Variants in GPR158 observed in about 807,000 individuals in gnomAD.
The protein encoded by GPR158 is G protein-coupled receptor 158, also known as metabotropic glycine receptor.
GPR158 carries 30 observed loss-of-function variants against 78.2 expected under a neutral mutation model. That is an observed-to-expected ratio of 0.38 (90% confidence interval 0.29 to 0.52). The LOEUF is 0.52. Ranked by LOEUF, GPR158 falls within the 20% of genes least tolerant of loss-of-function variation. The pLI, the probability that GPR158 is intolerant of heterozygous loss-of-function variation, is 0.83. For synonymous variants in GPR158, 581 were observed against 591.1 expected, an observed-to-expected ratio of 0.98 and a Z score of 0.25; for missense variants, 1,463 against 1,523.5, an observed-to-expected ratio of 0.96 and a Z score of 0.66.
intron 5 of GPR158, among the ~76,000 whole-genome samples, chr10:25,530,640 G>T (rs376258556): frequency 6.6e-6 from 1 of 152,178 alleles, no homozygotes; most frequent in Non-Finnish European, 1.5e-5. Flanking sequence ...AAATAAGCAC[G>T]TATGCAGAGA....
intron 7 of GPR158, among the ~76,000 whole-genome samples, chr10:25,580,853 G>C (rs1237138914): frequency 6.6e-6 from 1 of 151,938 alleles, no homozygotes; most frequent in African/African-American, 2.4e-5. Flanking sequence ...ACCCTCCCAA[G>C]TAGTTGTGAC....
rs148610858 is a variant in GPR158, at chr10:25,554,536, T to C, written c.1514+3451T>C. On this transcript the variant is annotated intron_variant, in intron 6 of 10. Coordinates refer to ENST00000376351, the MANE Select transcript of GPR158 (RefSeq NM_020752.3). ...CAAGATCACATTCTGTCACCAGAGA[T>C]GAAAATAAATGCTATTTTCATTTGA... 1.7e-3 allele frequency among the ~76,000 whole-genome samples: 263 copies of C among 152,256 alleles called. 12 individuals are homozygous for C. In the South Asian group the frequency reaches 0.048, roughly 28 times the overall value.
chr10:25,244,976 A>G (rs1261453746), intron 2 of GPR158: 2 of 152,102 alleles, frequency 1.3e-5, no homozygotes, highest in African/African-American at 4.8e-5. Flanking sequence ...TGGTTGGATT[A>G]ATGCTACAGT....
At chr10:25,291,971 TG>T (rs755177116) in intron 2 of GPR158, among the ~76,000 whole-genome samples, 5 of 152,260 alleles carry the variant, frequency 3.3e-5, no homozygotes, top group Admixed American at 1.3e-4. Context: ...GGAAACTTAC[TG>T]TAGTCACGGG....
At chr10:25,300,863 A>T (rs1189747823) in intron 2 of GPR158, among the ~76,000 whole-genome samples, 1 of 152,022 alleles carries the variant, frequency 6.6e-6, no homozygotes, top group Non-Finnish European at 1.5e-5. Context: ...GAGAAACCTT[A>T]TTAGACAAGC....
Position 25,375,582 on chromosome 10 carries a change from T to C in GPR158, c.1009-20329T>C, listed in dbSNP as rs1396356851. 1.2e-4 allele frequency among the ~76,000 whole-genome samples: 18 copies of C among 151,616 alleles called. 1 individual carries two copies. The highest frequency in any genetic ancestry group is 7.4e-5 in the Non-Finnish European group (5 of 67,646). On this transcript the variant is annotated intron_variant, in intron 2 of 10. Transcript: ENST00000376351. ...TGAATTTTAGGTCAGTTTTTTGTTT[T>C]CTTTTGTTTTGTTTTTTGTTTTTGC...
chr10:25,594,542 T>A (rs1837377541), intron 9 of GPR158, 145 bp downstream of exon 9: 1 of 478,684 alleles, frequency 2.1e-6, no homozygotes, highest in South Asian at 3.7e-5. Flanking sequence ...ACTGGCTGTT[T>A]TCTCTTTGAA....
At chr10:25,389,420 G>A (rs1009284826) in intron 2 of GPR158, among the ~76,000 whole-genome samples, 17 of 152,142 alleles carry the variant, frequency 1.1e-4, no homozygotes, top group Non-Finnish European at 2.2e-4. Context: ...AGGATGACCT[G>A]CCTCACAGAG....
At chr10:25,424,085 G>A (rs1392429277) in intron 4 of GPR158, among the ~76,000 whole-genome samples, 1 of 152,192 alleles carries the variant, frequency 6.6e-6, no homozygotes. Flanking sequence ...TAACTGGTGT[G>A]AGATGGTATC....
intron 4 of GPR158, among the ~76,000 whole-genome samples, chr10:25,428,748 G>A (rs1186865023): frequency 6.6e-6 from 1 of 151,924 alleles, no homozygotes; most frequent in Admixed American, 6.6e-5. Flanking sequence ...AAGAAGACAA[G>A]TAATAATTAA....
intron 6 of GPR158, among the ~76,000 whole-genome samples, chr10:25,559,126 A>G (rs1836826969): frequency 6.6e-6 from 1 of 152,114 alleles, no homozygotes; most frequent in African/African-American, 2.4e-5. Context: ...TTGAAGTTTC[A>G]TTCTGAGATG....
At chr10:25,460,988 C>G (rs1302278222) in intron 4 of GPR158, among the ~76,000 whole-genome samples, 2 of 152,142 alleles carry the variant, frequency 1.3e-5, no homozygotes, top group African/African-American at 4.8e-5. Flanking sequence ...TGAACCGCAC[C>G]CACATAAGAC....
intron 2 of GPR158, among the ~76,000 whole-genome samples, chr10:25,263,411 T>C (rs1376397290): frequency 2.0e-5 from 3 of 152,228 alleles, no homozygotes; most frequent in Non-Finnish European, 4.4e-5. Context: ...ACTGCCTTGA[T>C]TACTATAGCT....
chr10:25,203,029 G>A (rs1229816852), intron 1 of GPR158, among the ~76,000 whole-genome samples: 7 of 152,138 alleles, frequency 4.6e-5, no homozygotes, highest in African/African-American at 1.7e-4. Context: ...TTTTTCATGT[G>A]TCTGTTGACT....
chr10:25,539,379 T>C (rs1242487609), intron 5 of GPR158, among the ~76,000 whole-genome samples: 1 of 152,168 alleles, frequency 6.6e-6, no homozygotes, highest in Non-Finnish European at 1.5e-5. Context: ...TTATTCTGGT[T>C]CAGAGAATGA....
intron 5 of GPR158, among the ~76,000 whole-genome samples, chr10:25,546,415 G>A (rs181403524): frequency 1.3e-5 from 2 of 152,196 alleles, no homozygotes; most frequent in East Asian, 3.9e-4. Flanking sequence ...TTCATTTCAA[G>A]TACAATCATC....
At chr10:25,255,235 AC>A (rs1472367518) in intron 2 of GPR158, among the ~76,000 whole-genome samples, 1 of 152,226 alleles carries the variant, frequency 6.6e-6, no homozygotes, top group African/African-American at 2.4e-5. Context: ...AGGTTCCCTT[AC>A]AGCTTTCAGT....
In GPR158 at chr10:25,596,636, G is replaced by C; in HGVS notation, c.1999-7G>C. The C allele has an allele frequency of 6.2e-7, 1 of 1,609,230 alleles. No individual in the cohort carries two copies. On this transcript the variant is annotated splice_polypyrimidine_tract_variant and splice_region_variant and intron_variant, in intron 9 of 10. Transcript: ENST00000376351. ...AATGTCTACTGCTCATACTGAATTT[G>C]TTTCAGTTTTCACATTCAAGCAATA...
intron 2 of GPR158, among the ~76,000 whole-genome samples, chr10:25,265,669 A>G (rs1854036441): frequency 6.6e-6 from 1 of 152,204 alleles, no homozygotes; most frequent in Non-Finnish European, 1.5e-5. Flanking sequence ...GGTTATTGAA[A>G]GAATGAAAGA....
Sources: allele counts gnomAD v4.1 joint callset (sites outside exome capture counted in the v4.1 genomes callset), GRCh38; gene constraint gnomAD v4.1.1; transcripts MANE v1.5; gene names NCBI Gene and HGNC (gene_info 2026-07-23, HGNC 2026-07-21).